SEMA3A: variants seen among roughly 807,000 people sequenced by gnomAD.
The protein encoded by SEMA3A is semaphorin-3A.
SEMA3A carries 29 observed loss-of-function variants against 97.9 expected under a neutral mutation model. That is an observed-to-expected ratio of 0.30 (90% CI 0.22 to 0.40). SEMA3A has a LOEUF of 0.40. SEMA3A is among the 10% of genes least tolerant of loss of function. SEMA3A has a pLI of 1.00. For synonymous variants in SEMA3A, 321 were observed against 323.7 expected (o/e 0.99, Z 0.09); for missense variants, 763 against 951.3 (o/e 0.80, Z 2.60).
At chr7:84,146,126 T>A (rs188794104) in intron 1 of SEMA3A, among the ~76,000 whole-genome samples, 4 of 152,202 alleles carry the variant, frequency 2.6e-5, no homozygotes, top group Non-Finnish European at 5.9e-5. Flanking sequence ...GCTTTCATTA[T>A]AACACACAGT....
At chr7:84,143,604 C>T (rs1435759633) in intron 1 of SEMA3A, among the ~76,000 whole-genome samples, 1 of 151,794 alleles carries the variant, frequency 6.6e-6, no homozygotes, top group Non-Finnish European at 1.5e-5. Flanking sequence ...GCCTGTAATC[C>T]CAGCACTTTT....
intron 2 of SEMA3A, among the ~76,000 whole-genome samples, chr7:84,318,601 C>A (rs537584675): frequency 6.6e-5 from 10 of 152,214 alleles, no homozygotes; most frequent in African/African-American, 2.4e-4. Flanking sequence ...GGATTACAGG[C>A]GTGAGCCATC....
chr7:83,979,262 T>C (rs57904276), intron 14 of SEMA3A, among the ~76,000 whole-genome samples: 6,340 of 151,586 alleles, frequency 0.042, 422 homozygotes, highest in African/African-American at 0.14. Flanking sequence ...GCCTCCCAAA[T>C]AGCTGGGATT....
intron 2 of SEMA3A, among the ~76,000 whole-genome samples, chr7:84,344,189 T>C (rs1038982276): frequency 2.6e-5 from 4 of 152,196 alleles, no homozygotes; most frequent in African/African-American, 9.6e-5. Context: ...TCAGTATGGA[T>C]TTTTGACAAT....
At chr7:84,009,482 T>C (rs1306928140) in intron 9 of SEMA3A, among the ~76,000 whole-genome samples, 1 of 152,180 alleles carries the variant, frequency 6.6e-6, no homozygotes, top group Non-Finnish European at 1.5e-5. Context: ...AATAAAACAG[T>C]GTTGGACATT....
At chr7:84,320,948 G>A (rs962833621) in intron 2 of SEMA3A, among the ~76,000 whole-genome samples, 1 of 152,100 alleles carries the variant, frequency 6.6e-6, no homozygotes, top group African/African-American at 2.4e-5. Flanking sequence ...ACTCACTGGT[G>A]TGTTAAATAT....
chr7:84,065,689 C>T (rs529386063), intron 4 of SEMA3A, among the ~76,000 whole-genome samples: 279 of 152,182 alleles, frequency 1.8e-3, no homozygotes, highest in Middle Eastern at 3.4e-3. Context: ...ATAAATTCCT[C>T]GACGTATACA....
Position 84,440,864 on chromosome 7 carries a change from T to C in SEMA3A, c.-246+51596A>G, listed in dbSNP as rs138298811. Among the ~76,000 whole-genome samples, 1,201 of 152,162 alleles carry C rather than the reference T, an allele frequency of 7.9e-3. 10 individuals carry two copies. The highest frequency in any genetic ancestry group is 0.013 in the South Asian group (65 of 4,822). ...AAAGAAACAGGAAAGTATGGCCGAC[T>C]TAAAAATAAATAGGCCAGGTGTGGT... On this transcript the variant is annotated intron_variant, in intron 1 of 3. Transcript: ENST00000424555.
chr7:84,205,910 A>T (rs1210707616), intron 3 of SEMA3A, among the ~76,000 whole-genome samples: 1 of 152,228 alleles, frequency 6.6e-6, no homozygotes, highest in African/African-American at 2.4e-5. Context: ...TTCGAATGTC[A>T]CTAATTATTT....
chr7:84,300,129 C>A, intron 3 of SEMA3A, among the ~76,000 whole-genome samples: 1 of 140,182 alleles, frequency 7.1e-6, no homozygotes, highest in Non-Finnish European at 1.6e-5. Context: ...AAGATAAAGT[C>A]AAGAAAATTT....
At chr7:84,256,481 G>A (rs1356184827) in intron 3 of SEMA3A, among the ~76,000 whole-genome samples, 7 of 151,944 alleles carry the variant, frequency 4.6e-5, no homozygotes, top group South Asian at 2.1e-4. Flanking sequence ...AGGCAAATAA[G>A]GAAAACAAAA....
intron 3 of SEMA3A, among the ~76,000 whole-genome samples, chr7:84,302,504 G>A (rs939927949): frequency 6.6e-6 from 1 of 152,038 alleles, no homozygotes; most frequent in Admixed American, 6.6e-5. Flanking sequence ...CAAATATTTA[G>A]CCAGCCATAA....
chr7:84,407,249 C>T (rs1239040558), intron 1 of SEMA3A, among the ~76,000 whole-genome samples: 1 of 151,812 alleles, frequency 6.6e-6, no homozygotes, highest in South Asian at 2.1e-4. Flanking sequence ...CATTTTTATA[C>T]ACCAATAACA....
chr7:84,093,935 A>AAG (rs1445581305), intron 4 of SEMA3A, among the ~76,000 whole-genome samples: 1 of 151,164 alleles, frequency 6.6e-6, no homozygotes. Flanking sequence ...AAAAAAAAAA[A>AAG]AAAAGAAAGG....
intron 1 of SEMA3A, among the ~76,000 whole-genome samples, chr7:84,486,400 A>G (rs1489825942): frequency 6.6e-6 from 1 of 152,200 alleles, no homozygotes; most frequent in Non-Finnish European, 1.5e-5. Context: ...ATACAAAAAC[A>G]AAAACAAATA....
chr7:84,153,153 T>C (rs1796732382), intron 1 of SEMA3A, among the ~76,000 whole-genome samples: 2 of 152,194 alleles, frequency 1.3e-5, no homozygotes, highest in African/African-American at 4.8e-5. Flanking sequence ...TTATCAGCCC[T>C]GCTTTGCCAC....
At chr7:84,412,172 G>A (rs1715518) in intron 1 of SEMA3A, among the ~76,000 whole-genome samples, 17,446 of 152,042 alleles carry the variant, frequency 0.11, 1,883 homozygotes, top group African/African-American at 0.27. Context: ...TTGGCAGGGA[G>A]GCTGTGCTAA....
At chr7:84,189,630 GA>G (rs1305129735) in intron 1 of SEMA3A, among the ~76,000 whole-genome samples, 1 of 151,500 alleles carries the variant, frequency 6.6e-6, no homozygotes, top group Non-Finnish European at 1.5e-5. Context: ...ATGCAAACCT[GA>G]AAACATGATA....
chr7:84,424,612 A>ATTAT (rs1554383750), intron 1 of SEMA3A, among the ~76,000 whole-genome samples: 43 of 29,558 alleles, frequency 1.5e-3, no homozygotes, highest in East Asian at 6.0e-3. Flanking sequence ...ATTAATATAT[A>ATTAT]ATATAATATA....
Sources: gnomAD v4.1 joint callset for allele counts (sites outside exome capture counted in the v4.1 genomes callset) on GRCh38, gnomAD v4.1.1 for gene constraint, MANE v1.5 for transcripts, NCBI Gene and HGNC (gene_info 2026-07-23, HGNC 2026-07-21) for gene names.